Variants in KLHL28 observed in about 807,000 individuals in gnomAD.
The protein encoded by KLHL28 is kelch-like protein 28.
Under a neutral mutation model 48.3 loss-of-function variants are expected in KLHL28, and 22 were observed. The ratio of observed to expected loss-of-function variants is 0.46; its 90% confidence interval spans 0.33 to 0.65. The LOEUF is 0.65. Ranked by LOEUF, KLHL28 falls within the 30% of genes least tolerant of loss-of-function variation. The pLI, the probability that KLHL28 is intolerant of heterozygous loss-of-function variation, is 0.03. For synonymous variants in KLHL28, 243 were observed against 242.4 expected (o/e 1.00, Z -0.02); for missense variants, 527 against 704.3 (o/e 0.75, Z 2.85).
chr14:44,929,433 G>A (rs1015910834), intron 4 of KLHL28, among the ~76,000 whole-genome samples: 2 of 151,980 alleles, frequency 1.3e-5, no homozygotes, highest in Middle Eastern at 3.2e-3. Flanking sequence ...ATATTTTGAG[G>A]GAGACCACAT....
At chr14:44,941,313 C>A (rs1317552837) in intron 2 of KLHL28, among the ~76,000 whole-genome samples, 1 of 152,108 alleles carries the variant, frequency 6.6e-6, no homozygotes, top group Non-Finnish European at 1.5e-5. Flanking sequence ...AATGTATCTA[C>A]AGCATTTCTA....
intron 1 of KLHL28, among the ~76,000 whole-genome samples, chr14:44,950,512 T>G (rs1024858110): frequency 2.0e-5 from 3 of 152,166 alleles, no homozygotes; most frequent in African/African-American, 7.2e-5. Flanking sequence ...TGACACAACA[T>G]AGGTCTGTAA....
At position 44,926,891 on chromosome 14, in the gene KLHL28, A is replaced by T. The variant is rs1158495166; in HGVS notation, c.*2137T>A. On this transcript the variant is annotated 3_prime_UTR_variant, in exon 5 of 5. Transcript: ENST00000396128. ...AATAGTATAATAGGATATATTTAAT[A>T]ATTTGATTGCTATAAACAAAGAAAA... The T allele has an allele frequency of 6.6e-6, 1 of 152,562 alleles. No individual in the cohort carries two copies. The highest frequency in any genetic ancestry group is 2.4e-5 in the African/African-American group (1 of 41,452). 9.5% of individuals were successfully genotyped at this position (152,562 alleles called of 1,614,324 possible).
intron 2 of KLHL28, among the ~76,000 whole-genome samples, chr14:44,935,165 C>T (rs746767032): frequency 6.6e-6 from 1 of 152,206 alleles, no homozygotes; most frequent in East Asian, 1.9e-4. Context: ...ACTATAGCTA[C>T]ATGTCGCTGG....
In KLHL28 at chr14:44,935,005, G is replaced by T. The variant is rs571256234; in HGVS notation, c.900-447C>A. 1.2e-4 allele frequency among the ~76,000 whole-genome samples: 19 copies of T among 152,196 alleles called. 3 individuals are homozygous for T. The highest frequency in any genetic ancestry group is 3.9e-4 in the African/African-American group (16 of 41,526). On this transcript the variant is annotated intron_variant, in intron 2 of 4. Coordinates refer to ENST00000396128, the MANE Select transcript of KLHL28 (RefSeq NM_017658.5). The stretch of plus-strand genomic sequence containing the variant: ...TCTGAGCAACTCTACTGATGAAAAA[G>T]GCATGCATACATATATGTCCAAGAG...
intron 2 of KLHL28, among the ~76,000 whole-genome samples, chr14:44,943,608 G>T (rs1413368688): frequency 6.6e-6 from 1 of 151,818 alleles, no homozygotes; most frequent in African/African-American, 2.4e-5. Context: ...AGTGAGCTGA[G>T]ATTGCACCAC....
chr14:44,926,101 T>G lies in KLHL28; in HGVS notation c.*2927A>C, dbSNP rs1049246650. 6.6e-6 allele frequency: 1 copy of G among 152,206 alleles called. No individual in the cohort carries two copies. Among genetic ancestry groups the G allele is most frequent in the African/African-American group, 2.4e-5 (1 of 41,462 alleles). The allele number at this position is 152,206 out of a possible 1,614,324, so 9.4% of individuals were successfully genotyped here. On this transcript the variant is annotated 3_prime_UTR_variant, in exon 5 of 5. Coordinates refer to ENST00000396128, the MANE Select transcript of KLHL28 (RefSeq NM_017658.5). Reference sequence around the variant, plus strand: ...GAAACATGTGGCTTTAAATTCACAATTTGTCAGCAGAGTGTTCATAATGAA... The same window carrying G: ...GAAACATGTGGCTTTAAATTCACAAGTTGTCAGCAGAGTGTTCATAATGAA...
At chr14:44,946,058 A>T in intron 1 of KLHL28, 130 bp from the exon 2 acceptor site, 1 of 683,686 alleles carries the variant, frequency 1.5e-6, no homozygotes, top group Non-Finnish European at 2.4e-6. Context: ...AATACTTCAT[A>T]GTAAATACTA....
At chr14:44,960,819 A>G (rs908518999) in intron 1 of KLHL28, 2 of 784,368 alleles carry the variant, frequency 2.5e-6, no homozygotes, top group African/African-American at 1.8e-5. Context: ...AGCATTATTT[A>G]TAAAGCTGTT....
chr14:44,946,158 G>T (rs1206168497), intron 1 of KLHL28, among the ~76,000 whole-genome samples: 1 of 152,052 alleles, frequency 6.6e-6, no homozygotes, highest in Non-Finnish European at 1.5e-5. Flanking sequence ...AGCCCAAAAG[G>T]TTACATGAGA....
chr14:44,934,618 T>C (rs1402271377), intron 2 of KLHL28, 60 bp from the exon 3 acceptor site: 18 of 1,282,868 alleles, frequency 1.4e-5, no homozygotes, highest in Admixed American at 1.3e-4. Flanking sequence ...TAAAGACAGA[T>C]ATGTTTAATC....
intron 1 of KLHL28, among the ~76,000 whole-genome samples, chr14:44,959,177 C>A (rs1365448171): frequency 6.6e-6 from 1 of 151,980 alleles, no homozygotes. Context: ...GTGACCTCCA[C>A]CAAAACCTTC....
intron 1 of KLHL28, among the ~76,000 whole-genome samples, chr14:44,950,532 T>A (rs1884535201): frequency 6.6e-6 from 1 of 152,146 alleles, no homozygotes; most frequent in Admixed American, 6.5e-5. Flanking sequence ...AATACACACA[T>A]ACATGTATGT....
intron 2 of KLHL28, among the ~76,000 whole-genome samples, chr14:44,942,848 C>T (rs184431139): frequency 3.8e-4 from 58 of 152,258 alleles, no homozygotes; most frequent in African/African-American, 1.3e-3. Context: ...TTGATCGTTG[C>T]ATAAACATTA....
intron 3 of KLHL28, 137 bp downstream of exon 3, chr14:44,933,978 T>C (rs1438186327): frequency 2.2e-5 from 13 of 603,946 alleles, no homozygotes; most frequent in Middle Eastern, 7.9e-4. Context: ...ATTACAATTA[T>C]ATCCATGGAG....
intron 1 of KLHL28, among the ~76,000 whole-genome samples, chr14:44,953,869 T>C (rs376104517): frequency 6.6e-6 from 1 of 152,174 alleles, no homozygotes; most frequent in African/African-American, 2.4e-5. Flanking sequence ...TAAAACTGAT[T>C]ACATTTTAAA....
chr14:44,940,236 GC>G (rs1186079732), intron 2 of KLHL28, among the ~76,000 whole-genome samples: 2 of 152,128 alleles, frequency 1.3e-5, no homozygotes, highest in African/African-American at 4.8e-5. Context: ...AGCCCTCATG[GC>G]CTAATCACCT....
chr14:44,929,799 C>T (rs1883507020), intron 4 of KLHL28, among the ~76,000 whole-genome samples: 1 of 152,140 alleles, frequency 6.6e-6, no homozygotes, highest in African/African-American at 2.4e-5. Context: ...GGCTCGACAG[C>T]CTAGGACCCT....
At position 44,945,520 on chromosome 14, in the gene KLHL28, A is replaced by C. The variant is rs1275749346; in HGVS notation, c.409T>G (p.Cys137Gly). The C allele has an allele frequency of 6.2e-7, 1 of 1,614,234 alleles. No homozygotes were observed. Among genetic ancestry groups the C allele is most frequent in the Non-Finnish European group, 8.5e-7 (1 of 1,180,050 alleles). Residue 137 changes from cysteine to glycine, a missense_variant, in exon 2 of 5, where the codon TGT becomes GGT. By Grantham distance (159) the Cys-to-Gly change is radical (BLOSUM62 -3). Transcript: ENST00000396128. ...FLESQLDPGN[C>G]IGISRFAETY... is the part of the protein sequence containing the mutation. ...TCTGCAAAACGAGAAATTCCAATACAATTACCAGGATCAAGTTGGCTTTCA... is the reference window on the plus strand; with the variant it reads ...TCTGCAAAACGAGAAATTCCAATACCATTACCAGGATCAAGTTGGCTTTCA...
Sources: gnomAD v4.1 joint callset for allele counts (sites outside exome capture counted in the v4.1 genomes callset) on GRCh38, gnomAD v4.1.1 for gene constraint, MANE v1.5 for transcripts, NCBI Gene and HGNC (gene_info 2026-07-23, HGNC 2026-07-21) for gene names.